Variants in DLG2 observed in about 807,000 individuals in gnomAD.
The protein encoded by DLG2 is disks large homolog 2.
Under a neutral mutation model 132.5 loss-of-function variants are expected in DLG2, and 45 were observed. The ratio of observed to expected loss-of-function variants is 0.34; its 90% CI spans 0.27 to 0.44. The LOEUF (loss-of-function observed/expected upper bound fraction) is 0.44. DLG2 is among the 20% of genes least tolerant of loss of function. DLG2 has a pLI of 1.00. For synonymous variants in DLG2, 424 were observed against 419.6 expected (o/e 1.01, Z -0.13); for missense variants, 1,045 against 1,196.9 (o/e 0.87, Z 1.87).
chr11:84,641,193 A>T (rs2099662745), intron 6 of DLG2, among the ~76,000 whole-genome samples: 1 of 152,116 alleles, frequency 6.6e-6, no homozygotes, highest in Non-Finnish European at 1.5e-5. Context: ...TCTGCCACAC[A>T]GCTGCATATC....
chr11:85,041,216 C>T (rs1043054114), intron 6 of DLG2, among the ~76,000 whole-genome samples: 1 of 151,850 alleles, frequency 6.6e-6, no homozygotes, highest in African/African-American at 2.4e-5. Context: ...AATAGCAGTG[C>T]AGTAGCAGTG....
intron 6 of DLG2, among the ~76,000 whole-genome samples, chr11:84,729,748 G>C (rs1197710231): frequency 2.0e-5 from 3 of 151,930 alleles, no homozygotes; most frequent in Non-Finnish European, 4.4e-5. Flanking sequence ...TCAATAAATG[G>C]ATGAATAAAG....
intron 9 of DLG2, among the ~76,000 whole-genome samples, chr11:84,161,614 A>G (rs1397157010): frequency 2.6e-5 from 4 of 152,148 alleles, no homozygotes; most frequent in African/African-American, 9.7e-5. Context: ...TCTCATACCA[A>G]TGTTAGCTTT....
At chr11:85,171,247 C>G (rs1271850414) in intron 4 of DLG2, among the ~76,000 whole-genome samples, 1 of 152,124 alleles carries the variant, frequency 6.6e-6, no homozygotes, top group Admixed American at 6.5e-5. Context: ...AGGTAGACAG[C>G]TGGACCCATG....
At chr11:84,343,478 G>T (rs1314870021) in intron 7 of DLG2, among the ~76,000 whole-genome samples, 1 of 152,162 alleles carries the variant, frequency 6.6e-6, no homozygotes, top group East Asian at 1.9e-4. Context: ...TATTTGTCAA[G>T]AACTCTGCCA....
intron 2 of DLG2, among the ~76,000 whole-genome samples, chr11:85,607,449 T>G (rs2080653932): frequency 6.6e-6 from 1 of 152,212 alleles, no homozygotes; most frequent in South Asian, 2.1e-4. Context: ...CATCCATCTA[T>G]CTTGATCCTT....
rs950538494 is a variant in DLG2 at position 85,041,060 on chromosome 11, G to A, written c.357+70601C>T. Reference sequence around the variant, plus strand: ...TTAGGGAATAGGCAGGGGGAACAGGGGTCCAATTATGCAAGAAATTCTGGA... The same window carrying A: ...TTAGGGAATAGGCAGGGGGAACAGGAGTCCAATTATGCAAGAAATTCTGGA... On this transcript the variant is annotated intron_variant, in intron 6 of 27. Transcript: ENST00000376104. Among the ~76,000 whole-genome samples the A allele has an allele frequency of 6.6e-5, 10 of 151,684 alleles. 1 individual carries two copies. The highest frequency in any genetic ancestry group is 4.0e-4 in the Admixed American group (6 of 15,182).
chr11:85,317,005 T>A (rs555037131), intron 3 of DLG2, among the ~76,000 whole-genome samples: 2 of 152,072 alleles, frequency 1.3e-5, no homozygotes, highest in East Asian at 3.9e-4. Flanking sequence ...TTCTGAAGTG[T>A]CAGAAATGGC....
intron 6 of DLG2, among the ~76,000 whole-genome samples, chr11:84,544,255 C>A (rs1367874672): frequency 6.6e-6 from 1 of 152,128 alleles, no homozygotes; most frequent in African/African-American, 2.4e-5. Context: ...TCTAAACAGA[C>A]CTCAAGCTCT....
chr11:85,300,199 A>T (rs1009660789), intron 3 of DLG2, among the ~76,000 whole-genome samples: 2 of 152,356 alleles, frequency 1.3e-5, no homozygotes, highest in Non-Finnish European at 1.5e-5. Flanking sequence ...CTTCACTTCC[A>T]ATTATCTTCA....
At chr11:84,257,739 T>C (rs1179857236) in intron 7 of DLG2, among the ~76,000 whole-genome samples, 2 of 144,976 alleles carry the variant, frequency 1.4e-5, no homozygotes, top group Non-Finnish European at 3.0e-5. Flanking sequence ...CAGGCTGGAG[T>C]GCAGTAGTCC....
intron 6 of DLG2, among the ~76,000 whole-genome samples, chr11:84,709,707 T>C (rs1322890779): frequency 6.6e-6 from 1 of 151,854 alleles, no homozygotes; most frequent in East Asian, 1.9e-4. Context: ...ATATATAATC[T>C]CACATTCTCT....
intron 3 of DLG2, among the ~76,000 whole-genome samples, chr11:85,461,448 T>C (rs2092609611): frequency 1.3e-5 from 2 of 152,230 alleles, no homozygotes; most frequent in South Asian, 4.1e-4. Context: ...AAAACAGTTA[T>C]GCAGTTTCCT....
At chr11:83,539,574 G>A (rs1023376229) in intron 20 of DLG2, among the ~76,000 whole-genome samples, 19 of 151,700 alleles carry the variant, frequency 1.3e-4, no homozygotes, top group Non-Finnish European at 2.4e-4. Context: ...AGGAATAAAA[G>A]TAACTATTTT....
chr11:84,797,357 A>T (rs961729814), intron 6 of DLG2, among the ~76,000 whole-genome samples: 3 of 152,192 alleles, frequency 2.0e-5, no homozygotes, highest in Non-Finnish European at 4.4e-5. Context: ...TAAGGCTAAT[A>T]ATACTTAGAT....
intron 18 of DLG2, among the ~76,000 whole-genome samples, chr11:83,727,371 G>A (rs774149214): frequency 1.3e-5 from 2 of 152,104 alleles, no homozygotes; most frequent in African/African-American, 4.8e-5. Flanking sequence ...TTATCAGCTG[G>A]TCCCTCTCCA....
intron 3 of DLG2, among the ~76,000 whole-genome samples, chr11:85,391,243 A>G (rs1476909648): frequency 6.6e-6 from 1 of 152,126 alleles, no homozygotes; most frequent in Non-Finnish European, 1.5e-5. Flanking sequence ...AACCAGAAAG[A>G]AATAGAAACT....
At position 83,576,985 on chromosome 11, in the gene DLG2, G is replaced by A. The variant is rs563446282; in HGVS notation, c.1941-35127C>T. Among the ~76,000 whole-genome samples, 274 of 152,250 alleles carry A rather than the reference G, an allele frequency of 1.8e-3. 6 individuals are homozygous for A. Among genetic ancestry groups the A allele is most frequent in the Admixed American group, 3.9e-3 (60 of 15,296 alleles). ...TGAAGGATACAAAGTATTGATACTGGGTATGTCTTTGAAGGTGCTGCCAAA... is the reference window on the plus strand; with the variant it reads ...TGAAGGATACAAAGTATTGATACTGAGTATGTCTTTGAAGGTGCTGCCAAA... On this transcript the variant is annotated intron_variant, in intron 19 of 27. Transcript: ENST00000376104.
intron 6 of DLG2, among the ~76,000 whole-genome samples, chr11:84,672,403 G>C (rs779359686): frequency 6.6e-6 from 1 of 152,056 alleles, no homozygotes; most frequent in Non-Finnish European, 1.5e-5. Flanking sequence ...CAGAGAGAGC[G>C]ATCTGGTAGA....
Sources: gnomAD v4.1 joint callset for allele counts (sites outside exome capture counted in the v4.1 genomes callset) on GRCh38, gnomAD v4.1.1 for gene constraint, MANE v1.5 for transcripts, NCBI Gene and HGNC (gene_info 2026-07-23, HGNC 2026-07-21) for gene names.